SOCS6: variants seen among roughly 807,000 people sequenced by gnomAD.
SOCS6 encodes the protein suppressor of cytokine signaling 6, also known as STAT induced STAT inhibitor-4.
In SOCS6, 5 loss-of-function variants were observed where a neutral mutation model predicts 27.7. The observed-to-expected ratio is 0.18, with a 90% confidence interval of 0.09 to 0.38. The LOEUF is 0.38. Ranked by LOEUF, SOCS6 falls within the 10% of genes least tolerant of loss-of-function variation. The pLI is 1.00. For missense variants in SOCS6, 595 were observed against 688.1 expected, an observed-to-expected ratio of 0.86 and a Z score of 1.51; for synonymous variants, 271 against 260.0, an observed-to-expected ratio of 1.04 and a Z score of -0.41.
chr18:70,300,001 C>T (rs796093523), intron 1 of SOCS6, among the ~76,000 whole-genome samples: 1 of 152,086 alleles, frequency 6.6e-6, no homozygotes, highest in African/African-American at 2.4e-5. Context: ...CCATGAATAC[C>T]GAGGGATGAC....
intron 1 of SOCS6, among the ~76,000 whole-genome samples, chr18:70,307,885 A>C (rs2062375910): frequency 6.6e-6 from 1 of 150,866 alleles, no homozygotes; most frequent in Non-Finnish European, 1.5e-5. Flanking sequence ...TTCTACTTTC[A>C]TTGGGTTTAG....
chr18:70,319,875 C>T (rs1018157627), intron 1 of SOCS6, among the ~76,000 whole-genome samples: 12 of 152,092 alleles, frequency 7.9e-5, no homozygotes, highest in Admixed American at 5.9e-4. Context: ...AAACAACGAT[C>T]GACAGACACA....
At chr18:70,297,177 G>A (rs1336827319) in intron 1 of SOCS6, among the ~76,000 whole-genome samples, 7 of 151,970 alleles carry the variant, frequency 4.6e-5, no homozygotes, top group African/African-American at 1.7e-4. Flanking sequence ...CCTTTTCTCA[G>A]GCTGGTTTTT....
chr18:70,316,219 C>T (rs7233012), intron 1 of SOCS6, among the ~76,000 whole-genome samples: 51,856 of 151,970 alleles, frequency 0.34, 9,679 homozygotes, highest in East Asian at 0.73. Context: ...TGACTTGAGT[C>T]ATTTAAAGAT....
intron 1 of SOCS6, among the ~76,000 whole-genome samples, chr18:70,322,984 A>G (rs577352024): frequency 6.6e-6 from 1 of 152,290 alleles, no homozygotes; most frequent in South Asian, 2.1e-4. Context: ...TGTCTCTCCT[A>G]CTGGATTAGG....
intron 1 of SOCS6, among the ~76,000 whole-genome samples, chr18:70,313,825 C>T (rs2062400176): frequency 6.6e-6 from 1 of 152,172 alleles, no homozygotes; most frequent in Admixed American, 6.5e-5. Flanking sequence ...TCGTTGTTTG[C>T]ATAACAAAGT....
intron 1 of SOCS6, among the ~76,000 whole-genome samples, chr18:70,317,374 G>C (rs1483931315): frequency 6.6e-6 from 1 of 151,996 alleles, no homozygotes; most frequent in Non-Finnish European, 1.5e-5. Context: ...AGGTTGTTGT[G>C]AATGCCATTC....
At chr18:70,315,887 T>C (rs184552561) in intron 1 of SOCS6, among the ~76,000 whole-genome samples, 1 of 152,284 alleles carries the variant, frequency 6.6e-6, no homozygotes, top group Admixed American at 6.5e-5. Flanking sequence ...TGGTTTTTTT[T>C]GAGATGGAGT....
chr18:70,311,646 C>T (rs41382246), intron 1 of SOCS6, among the ~76,000 whole-genome samples: 16,750 of 152,148 alleles, frequency 0.11, 985 homozygotes, highest in Middle Eastern at 0.22. Context: ...GAGATGTAAT[C>T]GCTGTTACTT....
intron 1 of SOCS6, among the ~76,000 whole-genome samples, chr18:70,302,950 A>C (rs2062354896): frequency 6.6e-6 from 1 of 152,216 alleles, no homozygotes; most frequent in East Asian, 1.9e-4. Context: ...ACTGAAAGCC[A>C]AGAAAAGGCC....
At chr18:70,311,698 A>T (rs1346480144) in intron 1 of SOCS6, among the ~76,000 whole-genome samples, 1 of 152,192 alleles carries the variant, frequency 6.6e-6, no homozygotes, top group Non-Finnish European at 1.5e-5. Context: ...TAGGCATATA[A>T]ATATATATAC....
At chr18:70,294,186 T>G in intron 1 of SOCS6, among the ~76,000 whole-genome samples, 1 of 152,252 alleles carries the variant, frequency 6.6e-6, no homozygotes, top group East Asian at 1.9e-4. Flanking sequence ...AACACTAGTA[T>G]TCTACTCCTT....
intron 1 of SOCS6, among the ~76,000 whole-genome samples, chr18:70,289,574 C>T (rs1200969743): frequency 6.8e-6 from 1 of 146,824 alleles, no homozygotes; most frequent in Non-Finnish European, 1.5e-5. Context: ...GGCCGGGTCC[C>T]TCCTCGGACC....
chr18:70,294,253 A>G (rs554152129), intron 1 of SOCS6, among the ~76,000 whole-genome samples: 1 of 152,226 alleles, frequency 6.6e-6, no homozygotes, highest in African/African-American at 2.4e-5. Flanking sequence ...AATAATTCCT[A>G]TTTAAAGTAA....
chr18:70,298,420 C>T (rs1470317338), intron 1 of SOCS6, among the ~76,000 whole-genome samples: 1 of 152,022 alleles, frequency 6.6e-6, no homozygotes, highest in Non-Finnish European at 1.5e-5. Context: ...CAGCTATAAT[C>T]ATATATAGGT....
chr18:70,317,705 C>A (rs551586952), intron 1 of SOCS6, among the ~76,000 whole-genome samples: 1 of 151,604 alleles, frequency 6.6e-6, no homozygotes, highest in East Asian at 1.9e-4. Context: ...TGGGTAGATA[C>A]CTAGTAGTGG....
At chr18:70,321,065 C>T (rs1046381102) in intron 1 of SOCS6, among the ~76,000 whole-genome samples, 1 of 151,924 alleles carries the variant, frequency 6.6e-6, no homozygotes, top group Non-Finnish European at 1.5e-5. Context: ...TTGCTTGAGG[C>T]CAGGAGTTCA....
intron 1 of SOCS6, among the ~76,000 whole-genome samples, chr18:70,309,225 CTTTT>C (rs1568600106): frequency 6.6e-6 from 1 of 151,958 alleles, no homozygotes; most frequent in Non-Finnish European, 1.5e-5. Flanking sequence ...CCATTTGTCA[CTTTT>C]TTGTTTTTTT....
chr18:70,304,225 A>G (rs2062359855), intron 1 of SOCS6, among the ~76,000 whole-genome samples: 2 of 125,890 alleles, frequency 1.6e-5, no homozygotes, highest in East Asian at 3.4e-4. Context: ...TACAAGGTCA[A>G]TGCAACAGTA....
Sources: gnomAD v4.1 joint callset for allele counts (sites outside exome capture counted in the v4.1 genomes callset) on GRCh38, gnomAD v4.1.1 for gene constraint, MANE v1.5 for transcripts, NCBI Gene and HGNC (gene_info 2026-07-23, HGNC 2026-07-21) for gene names.